The following LRP1B variants were observed in gnomAD, a reference collection of about 807,000 sequenced individuals.
The protein encoded by LRP1B is LDL receptor related protein 1B.
Under a neutral mutation model 556.6 loss-of-function variants are expected in LRP1B, and 217 were observed. The observed-to-expected ratio is 0.39, with a 90% CI of 0.35 to 0.44. The LOEUF (loss-of-function observed/expected upper bound fraction) is 0.44, where lower values mean the gene tolerates loss of function less well. Ranked by LOEUF, LRP1B falls within the 20% of genes least tolerant of loss-of-function variation. LRP1B has a pLI of 1.00. For missense variants in LRP1B, 5,053 were observed against 5,620.8 expected (o/e 0.90, Z 3.23); for synonymous variants, 2,047 against 1,865.8 (o/e 1.10, Z -2.50).
At chr2:140,616,812 T>C (rs1683273170) in intron 41 of LRP1B, among the ~76,000 whole-genome samples, 2 of 151,936 alleles carry the variant, frequency 1.3e-5, no homozygotes, top group Admixed American at 1.3e-4. Flanking sequence ...AAAAAATCAA[T>C]TCTTTTATCC....
Position 141,452,963 on chromosome 2 carries a change from C to T in LRP1B, c.343+27433G>A, listed in dbSNP as rs149940220. 5.9e-5 allele frequency among the ~76,000 whole-genome samples: 9 copies of T among 152,246 alleles called. No homozygotes were observed. The East Asian group carries it at 1.2e-3, about 20-fold the overall frequency. ...CAAAATAGCACAATGTGGCCACCCACGGTAGCTCACACCTGTAATCCCAGC... is the reference window on the plus strand; with the variant it reads ...CAAAATAGCACAATGTGGCCACCCATGGTAGCTCACACCTGTAATCCCAGC... On this transcript the variant is annotated intron_variant, in intron 3 of 90. Transcript: ENST00000389484.
At chr2:141,849,009 A>C (rs187736026) in intron 1 of LRP1B, among the ~76,000 whole-genome samples, 4 of 151,774 alleles carry the variant, frequency 2.6e-5, no homozygotes, top group African/African-American at 9.6e-5. Context: ...AGGATAATTA[A>C]AAAGAAATAA....
At chr2:141,702,195 A>G (rs1179537593) in intron 2 of LRP1B, among the ~76,000 whole-genome samples, 2 of 151,882 alleles carry the variant, frequency 1.3e-5, no homozygotes, top group Non-Finnish European at 2.9e-5. Context: ...GGTTAGATCA[A>G]TTGGCTTAGG....
intron 1 of LRP1B, among the ~76,000 whole-genome samples, chr2:141,948,829 A>T (rs1701028595): frequency 6.6e-6 from 1 of 152,094 alleles, no homozygotes. Context: ...GGATCTAAAA[A>T]TCCAGAGTAC....
chr2:140,254,463 C>A (rs140238850), intron 86 of LRP1B, among the ~76,000 whole-genome samples: 1 of 152,186 alleles, frequency 6.6e-6, no homozygotes, highest in East Asian at 1.9e-4. Flanking sequence ...GACATACAAA[C>A]GGTGATCAGA....
At chr2:141,998,313 A>AAAAC (rs997443546) in intron 1 of LRP1B, among the ~76,000 whole-genome samples, 1 of 152,190 alleles carries the variant, frequency 6.6e-6, no homozygotes, top group African/African-American at 2.4e-5. Context: ...AAAAAGAGAA[A>AAAAC]AAACAAACAA....
intron 3 of LRP1B, among the ~76,000 whole-genome samples, chr2:141,464,606 A>ATATATATATATATATATATATATTTT: frequency 1.1e-5 from 1 of 90,562 alleles, no homozygotes; most frequent in Admixed American, 1.2e-4. Flanking sequence ...ATATATATAT[A>ATATATATATATATATATATATATTTT]TTTTTTTAGT....
intron 10 of LRP1B, among the ~76,000 whole-genome samples, chr2:141,054,298 C>T (rs12622517): frequency 0.12 from 17,787 of 151,700 alleles, 1,474 homozygotes; most frequent in East Asian, 0.38. Context: ...ACAAACTGGA[C>T]ACTGTAAAAA....
At chr2:141,002,726 T>C (rs892812339) in intron 15 of LRP1B, among the ~76,000 whole-genome samples, 2 of 152,070 alleles carry the variant, frequency 1.3e-5, no homozygotes, top group Non-Finnish European at 2.9e-5. Flanking sequence ...ATATTCCATC[T>C]ATCCTACACA....
At chr2:141,598,351 A>G (rs968552844) in intron 2 of LRP1B, among the ~76,000 whole-genome samples, 15 of 152,126 alleles carry the variant, frequency 9.9e-5, no homozygotes, top group Admixed American at 6.6e-5. Flanking sequence ...AAACAACCAT[A>G]GAAATAAAAT....
At chr2:141,957,079 T>C (rs1701274433) in intron 1 of LRP1B, among the ~76,000 whole-genome samples, 1 of 152,094 alleles carries the variant, frequency 6.6e-6, no homozygotes. Flanking sequence ...CTCCTTAGTA[T>C]ACATAAAGGG....
intron 66 of LRP1B, among the ~76,000 whole-genome samples, chr2:140,398,948 T>C (rs1201382562): frequency 6.6e-6 from 1 of 152,164 alleles, no homozygotes; most frequent in Non-Finnish European, 1.5e-5. Flanking sequence ...AAATATGTTT[T>C]TCTTAAAAAC....
intron 10 of LRP1B, among the ~76,000 whole-genome samples, chr2:141,052,980 A>G (rs1699079362): frequency 6.6e-6 from 1 of 151,804 alleles, no homozygotes; most frequent in Admixed American, 6.6e-5. Context: ...TAATTGATAA[A>G]CCTAGTACTT....
chr2:140,443,687 CAT>C (rs745622426), intron 65 of LRP1B, among the ~76,000 whole-genome samples: 1 of 152,076 alleles, frequency 6.6e-6, no homozygotes, highest in African/African-American at 2.4e-5. Flanking sequence ...AGCTTATATG[CAT>C]ATATATATGT....
chr2:141,791,413 G>T (rs1471432099), intron 2 of LRP1B, among the ~76,000 whole-genome samples: 1 of 151,918 alleles, frequency 6.6e-6, no homozygotes, highest in South Asian at 2.1e-4. Flanking sequence ...TATTTCAAAA[G>T]AGTAGATAAG....
Position 141,747,721 on chromosome 2 carries a change from G to A in LRP1B, c.205+62558C>T, listed in dbSNP as rs72985389. Among the ~76,000 whole-genome samples the A allele has an allele frequency of 4.7e-3, 715 of 152,222 alleles. 8 individuals carry two copies. Among genetic ancestry groups the A allele is most frequent in the African/African-American group, 0.016 (673 of 41,526 alleles). Reference sequence around the variant, plus strand: ...TTGATAACATTGTGTTTGGGTAATAGGCAAGGAATGATTTATTTCTTCATT... The same window carrying A: ...TTGATAACATTGTGTTTGGGTAATAAGCAAGGAATGATTTATTTCTTCATT... On this transcript the variant is annotated intron_variant, in intron 2 of 90. Transcript: ENST00000389484.
chr2:140,316,924 C>A (rs17386302), intron 82 of LRP1B, among the ~76,000 whole-genome samples: 3,114 of 152,066 alleles, frequency 0.02, 39 homozygotes, highest in African/African-American at 0.029. Context: ...TTTCAACAGG[C>A]GATTGATATG....
chr2:141,026,409 A>G (rs1392832121), intron 11 of LRP1B, among the ~76,000 whole-genome samples: 1 of 152,102 alleles, frequency 6.6e-6, no homozygotes, highest in African/African-American at 2.4e-5. Context: ...AAGGTATCAT[A>G]TACATGCTTA....
At chr2:141,242,733 G>C (rs1683924777) in intron 5 of LRP1B, among the ~76,000 whole-genome samples, 2 of 151,990 alleles carry the variant, frequency 1.3e-5, no homozygotes, top group Admixed American at 1.3e-4. Flanking sequence ...TTTTACTATT[G>C]CTTCAGTGCA....
Sources: gnomAD v4.1 joint callset for allele counts (sites outside exome capture counted in the v4.1 genomes callset) on GRCh38, gnomAD v4.1.1 for gene constraint, MANE v1.5 for transcripts, NCBI Gene and HGNC (gene_info 2026-07-23, HGNC 2026-07-21) for gene names.